The following NID1 variants were observed in gnomAD, a reference collection of about 807,000 sequenced individuals.
NID1 encodes the protein nidogen-1.
In NID1, 76 loss-of-function variants were observed where a neutral mutation model predicts 130.6. That is an observed-to-expected ratio of 0.58 (90% CI 0.48 to 0.70). The LOEUF (loss-of-function observed/expected upper bound fraction) is 0.70. Among genes scored for constraint, NID1 ranks in the 30% least tolerant of loss-of-function variants. The pLI is 0.00. For missense variants in NID1, 1,517 were observed against 1,664.8 expected, an observed-to-expected ratio of 0.91 and a Z score of 1.54; for synonymous variants, 665 against 675.1, an observed-to-expected ratio of 0.98 and a Z score of 0.23.
At chr1:236,005,231 C>T (rs562645464) in intron 12 of NID1, among the ~76,000 whole-genome samples, 6 of 150,756 alleles carry the variant, frequency 4.0e-5, no homozygotes, top group Non-Finnish European at 8.9e-5. Flanking sequence ...CAGATATAGG[C>T]GGGGGGTGGG....
chr1:236,038,315 C>T, intron 4 of NID1, 62 bp from the exon 5 acceptor site: 3 of 1,560,840 alleles, frequency 1.9e-6, no homozygotes, highest in Non-Finnish European at 2.6e-6. Flanking sequence ...CCGGTGGGCT[C>T]TCTCATCTAG....
intron 16 of NID1, 98 bp downstream of exon 16, chr1:235,981,513 C>T: frequency 1.5e-6 from 2 of 1,336,422 alleles, no homozygotes; most frequent in Non-Finnish European, 2.1e-6. Flanking sequence ...TCATTAATTT[C>T]AGGAGACCAA....
At position 235,985,494 on chromosome 1, in the gene NID1, G is replaced by T. The variant is rs1242098679; in HGVS notation, c.2940C>A (p.Ile980=). The change falls in exon 15 of 20, where the codon ATC becomes ATA. Residue 980 remains isoleucine, a synonymous_variant. Transcript: ENST00000264187. ...CCACGCAGTCAAAGGCCAGTCCAATGATGACTTTAGCCTGGATGTGAAGAC... is the reference window on the plus strand; with the variant it reads ...CCACGCAGTCAAAGGCCAGTCCAATTATGACTTTAGCCTGGATGTGAAGAC... ...KAFLHVPAKV[I]IGLAFDCVDK... The T allele has an allele frequency of 1.2e-6, 2 of 1,614,018 alleles. No homozygotes were observed. Among genetic ancestry groups the T allele is most frequent in the Non-Finnish European group, 1.7e-6 (2 of 1,179,994 alleles).
intron 14 of NID1, among the ~76,000 whole-genome samples, chr1:235,989,259 G>A (rs1657659395): frequency 6.6e-6 from 1 of 151,974 alleles, no homozygotes; most frequent in Admixed American, 6.6e-5. Flanking sequence ...GTTTCTCCAT[G>A]TTGCCCAGGC....
At chr1:236,047,509 T>G (rs2102844589) in intron 2 of NID1, among the ~76,000 whole-genome samples, 1 of 152,184 alleles carries the variant, frequency 6.6e-6, no homozygotes, top group South Asian at 2.1e-4. Flanking sequence ...CAAGGGCAAG[T>G]CCGTGCTCTA....
At chr1:236,011,592 A>C (rs182837433) in intron 12 of NID1, among the ~76,000 whole-genome samples, 1 of 152,186 alleles carries the variant, frequency 6.6e-6, no homozygotes, top group Admixed American at 6.5e-5. Flanking sequence ...CAATGTTCCC[A>C]CCTGATGTTC....
intron 1 of NID1, 144 bp from the exon 2 acceptor site, chr1:236,049,133 G>T: frequency 1.3e-6 from 1 of 788,540 alleles, no homozygotes; most frequent in South Asian, 1.9e-5. Flanking sequence ...AGCCTGAACC[G>T]CATACCCCAG....
At chr1:236,001,982 G>A (rs752480043) in intron 12 of NID1, among the ~76,000 whole-genome samples, 5 of 152,236 alleles carry the variant, frequency 3.3e-5, no homozygotes, top group Non-Finnish European at 5.9e-5. Flanking sequence ...GACACGTGAA[G>A]CACTTACTCA....
Position 236,013,569 on chromosome 1 carries a change from C to A in NID1, c.2255-9G>T, listed in dbSNP as rs141926953. ...GCGCTGGTCCACGACAGCTTCAGAACAAAAGGTTGATGCACAGTCTTAGGA... is the reference window on the plus strand; with the variant it reads ...GCGCTGGTCCACGACAGCTTCAGAAAAAAAGGTTGATGCACAGTCTTAGGA... On this transcript the variant is annotated splice_polypyrimidine_tract_variant and intron_variant, in intron 10 of 19. Transcript: ENST00000264187. 7 of 1,614,112 alleles carry A rather than the reference C, an allele frequency of 4.3e-6. No individual in the cohort carries two copies. The Admixed American group carries it at 1.2e-4, about 27-fold the overall frequency.
chr1:236,012,879 A>T (rs912579538), intron 11 of NID1, among the ~76,000 whole-genome samples: 1 of 152,248 alleles, frequency 6.6e-6, no homozygotes, highest in Admixed American at 6.5e-5. Context: ...TTGATGGGCT[A>T]TCTTACCTAA....
chr1:236,045,397 A>T, intron 3 of NID1, 60 bp downstream of exon 3: 4 of 1,230,160 alleles, frequency 3.3e-6, no homozygotes, highest in Non-Finnish European at 4.8e-6. Flanking sequence ...AATACACATT[A>T]CATTATCCAC....
At chr1:235,997,694 C>T (rs1657966972) in intron 12 of NID1, among the ~76,000 whole-genome samples, 1 of 151,278 alleles carries the variant, frequency 6.6e-6, no homozygotes, top group South Asian at 2.1e-4. Context: ...GCAACCTCTG[C>T]CTCCTGGGTT....
Position 236,048,891 on chromosome 1 carries a change from C to T in NID1, c.324G>A (p.Leu108=), listed in dbSNP as rs1659688225. ...PPTFGAVAPF[L]ADLDTTDGLG... Reference sequence around the variant, plus strand: ...GGCCATCGGTCGTGTCCAAGTCCGCCAGGAAAGGGGCGACTGCACCGAATG... The same window carrying T: ...GGCCATCGGTCGTGTCCAAGTCCGCTAGGAAAGGGGCGACTGCACCGAATG... Residue 108 remains leucine (L), a synonymous_variant, in exon 2 of 20, where the codon CTG becomes CTA. Coordinates refer to ENST00000264187, the MANE Select transcript of NID1 (RefSeq NM_002508.3). 6.2e-7 allele frequency: 1 copy of T among 1,613,954 alleles called. No individual in the cohort carries two copies.
chr1:236,010,105 C>T (rs1658366735), intron 12 of NID1, among the ~76,000 whole-genome samples: 1 of 152,112 alleles, frequency 6.6e-6, no homozygotes, highest in African/African-American at 2.4e-5. Flanking sequence ...GAATATTAGT[C>T]ATTGTTAATA....
At chr1:236,056,610 C>A (rs1659904675) in intron 1 of NID1, among the ~76,000 whole-genome samples, 1 of 152,174 alleles carries the variant, frequency 6.6e-6, no homozygotes, top group Non-Finnish European at 1.5e-5. Flanking sequence ...TGTTTGTACC[C>A]ATTAACCAAC....
intron 3 of NID1, among the ~76,000 whole-genome samples, chr1:236,043,717 G>A (rs1430898581): frequency 1.3e-5 from 2 of 152,102 alleles, no homozygotes; most frequent in East Asian, 3.9e-4. Flanking sequence ...AGAATGGCGT[G>A]AACCCGGGAG....
At chr1:236,059,169 G>T (rs79064611) in intron 1 of NID1, among the ~76,000 whole-genome samples, 1 of 152,166 alleles carries the variant, frequency 6.6e-6, no homozygotes, top group African/African-American at 2.4e-5. Context: ...TCCGTAACCC[G>T]TGCTCTTTCT....
At chr1:236,023,966 C>T (rs1201163145) in intron 9 of NID1, 104 bp downstream of exon 9, 28 of 1,449,782 alleles carry the variant, frequency 1.9e-5, no homozygotes, top group Non-Finnish European at 2.5e-5. Flanking sequence ...GTATTTATCT[C>T]ATCCGTGCTT....
Position 235,979,990 on chromosome 1 carries a change from G to A in NID1, c.3386-45C>T, listed in dbSNP as rs971882676. 2.5e-6 allele frequency: 4 copies of A among 1,599,616 alleles called. No homozygotes were observed. In the African/African-American group the frequency reaches 4.2e-5, roughly 17 times the overall value. On this transcript the variant is annotated intron_variant, in intron 17 of 19. Coordinates refer to ENST00000264187, the MANE Select transcript of NID1 (RefSeq NM_002508.3). The surrounding 1 kb of genome is among the most constrained non-coding windows in gnomAD (Gnocchi z 4.6). ...TTCATTCATTGTTCACACAAGAAATGGCCCCTTTGTGCAAAAAAAACAAGA... is the reference window on the plus strand; with the variant it reads ...TTCATTCATTGTTCACACAAGAAATAGCCCCTTTGTGCAAAAAAAACAAGA...
Sources: allele counts gnomAD v4.1 joint callset (sites outside exome capture counted in the v4.1 genomes callset), GRCh38; gene constraint gnomAD v4.1.1; non-coding constraint Gnocchi (gnomAD v3.1); transcripts MANE v1.5; gene names NCBI Gene and HGNC (gene_info 2026-07-23, HGNC 2026-07-21).